Variants in MEF2C observed in about 807,000 individuals in gnomAD.
The protein encoded by MEF2C is myocyte enhancer factor 2C.
In MEF2C, 6 loss-of-function variants were observed where a neutral mutation model predicts 50.5. That is an observed-to-expected ratio of 0.12 (90% CI 0.07 to 0.23). MEF2C has a LOEUF of 0.23. Ranked by LOEUF, MEF2C falls within the 10% of genes least tolerant of loss-of-function variation. MEF2C has a pLI of 1.00. For synonymous variants in MEF2C, 183 were observed against 228.0 expected, an observed-to-expected ratio of 0.80 and a Z score of 1.78; for missense variants, 276 against 605.0, an observed-to-expected ratio of 0.46 and a Z score of 5.70.
chr5:88,827,022 A>G (rs767920688), intron 1 of MEF2C: 1 of 151,876 alleles, frequency 6.6e-6, no homozygotes, highest in Non-Finnish European at 1.5e-5. Context: ...GAAAACTAAA[A>G]TGAGGCTGCT....
At chr5:88,790,390 G>A (rs1294485139) in intron 3 of MEF2C, among the ~76,000 whole-genome samples, 1 of 152,134 alleles carries the variant, frequency 6.6e-6, no homozygotes. Flanking sequence ...GAAATAAAGG[G>A]ATCCTGGGCC....
intron 1 of MEF2C, among the ~76,000 whole-genome samples, chr5:88,827,509 G>A (rs974239591): frequency 6.6e-6 from 1 of 151,960 alleles, no homozygotes; most frequent in Non-Finnish European, 1.5e-5. Context: ...CACACACAGA[G>A]GCCTTGGAGA....
chr5:88,899,164 T>A lies in MEF2C; in HGVS notation c.-240+4752A>T, dbSNP rs1220777116. Among the ~76,000 whole-genome samples the A allele has an allele frequency of 2.6e-5, 4 of 152,294 alleles. No homozygotes were observed. The South Asian group carries it at 8.3e-4, about 32-fold the overall frequency. The stretch of plus-strand genomic sequence containing the variant: ...TTTGAGAATGAGACTTTTTGTATTA[T>A]GTTACTAGGGTCCCCAAGTGGAAAA... On this transcript the variant is annotated intron_variant, in intron 1 of 11. Coordinates refer to the MEF2C transcript ENST00000340208.
At chr5:88,762,639 A>G (rs1468620837) in intron 3 of MEF2C, among the ~76,000 whole-genome samples, 1 of 152,104 alleles carries the variant, frequency 6.6e-6, no homozygotes, top group Non-Finnish European at 1.5e-5. Context: ...TTACAGAGAT[A>G]ATGTTATGTT....
chr5:88,736,675 A>G (rs1428741357), intron 6 of MEF2C: 1 of 985,230 alleles, frequency 1.0e-6, no homozygotes, highest in Admixed American at 6.2e-5. Flanking sequence ...CAACCCACTC[A>G]AGGAAGTCTT....
intron 4 of MEF2C, chr5:88,752,809 T>G (rs1287033714): frequency 2.1e-6 from 2 of 969,804 alleles, no homozygotes; most frequent in Non-Finnish European, 2.5e-6. Context: ...AATTATTTTG[T>G]CAATTTAAGC....
At chr5:88,846,224 C>A (rs912928388) in intron 1 of MEF2C, among the ~76,000 whole-genome samples, 1 of 152,054 alleles carries the variant, frequency 6.6e-6, no homozygotes, top group Non-Finnish European at 1.5e-5. Flanking sequence ...CCCGCCACCA[C>A]GCCAGGCTAA....
At chr5:88,871,882 A>G (rs1361043012) in intron 1 of MEF2C, among the ~76,000 whole-genome samples, 5 of 152,092 alleles carry the variant, frequency 3.3e-5, no homozygotes, top group Non-Finnish European at 5.9e-5. Flanking sequence ...GTCATAATGA[A>G]TAAGCCCTCA....
chr5:88,793,356 G>A (rs1384161941), intron 3 of MEF2C, among the ~76,000 whole-genome samples: 1 of 152,080 alleles, frequency 6.6e-6, no homozygotes, highest in African/African-American at 2.4e-5. Context: ...TTAATGGCAG[G>A]GAAATTGCAA....
intron 1 of MEF2C, among the ~76,000 whole-genome samples, chr5:88,857,037 G>T (rs1161252505): frequency 6.6e-6 from 1 of 152,230 alleles, no homozygotes; most frequent in Non-Finnish European, 1.5e-5. Flanking sequence ...GCCAGCCTGA[G>T]AAAGCAGCCA....
intron 3 of MEF2C, among the ~76,000 whole-genome samples, chr5:88,793,723 C>A (rs1157947992): frequency 6.6e-6 from 1 of 152,092 alleles, no homozygotes; most frequent in Non-Finnish European, 1.5e-5. Context: ...TATACACGTG[C>A]CATGGTGGTT....
chr5:88,810,978 A>G (rs1162682439), intron 2 of MEF2C, among the ~76,000 whole-genome samples: 3 of 152,162 alleles, frequency 2.0e-5, no homozygotes, highest in African/African-American at 7.2e-5. Flanking sequence ...AACAATTACA[A>G]AAGTTCAGGT....
intron 6 of MEF2C, chr5:88,737,543 C>A: frequency 1.0e-6 from 1 of 985,354 alleles, no homozygotes; most frequent in Non-Finnish European, 1.2e-6. Flanking sequence ...AGGTAAATCT[C>A]AATACTAATT....
Position 88,728,584 on chromosome 5 carries a change from TA to T in MEF2C, c.1008del (p.Phe336LeufsTer12). On this transcript the variant is annotated frameshift_variant, in exon 10 of 11. Transcript: ENST00000504921. LOFTEE classifies it high-confidence loss of function. ...CCAAGGTGAAGAGCGCTGGCGGTGT[TA>T]AACCCAGACAGAGATGACAGGTCTG... ...SSADLSSLSG[F>X]NTASALHLGS... 6.5e-7 allele frequency: 1 copy of T among 1,531,032 alleles called. No homozygotes were observed. Among genetic ancestry groups the T allele is most frequent in the Non-Finnish European group, 8.8e-7 (1 of 1,135,354 alleles). The allele number at this position is 1,531,032 out of a possible 1,614,324, so 94.8% of individuals were successfully genotyped here. A position where few individuals can be genotyped will look rare whatever the true frequency, so the allele number is the denominator to read the frequency against.
At chr5:88,825,118 T>C (rs1810241703) in intron 1 of MEF2C, among the ~76,000 whole-genome samples, 1 of 151,938 alleles carries the variant, frequency 6.6e-6, no homozygotes, top group South Asian at 2.1e-4. Context: ...TATTATGTAA[T>C]GCTAAGCCAA....
At chr5:88,777,896 TTTC>T (rs1785623134) in intron 3 of MEF2C, among the ~76,000 whole-genome samples, 1 of 124,252 alleles carries the variant, frequency 8.0e-6, no homozygotes, top group African/African-American at 2.8e-5. Context: ...AAATTTTTCT[TTTC>T]TTTTTTTTTT....
In MEF2C at chr5:88,823,923, C is replaced by T. The variant is rs528860962; in HGVS notation, c.-135G>A. On this transcript the variant is annotated 5_prime_UTR_variant, in exon 2 of 11. Coordinates refer to ENST00000504921, the MANE Select transcript of MEF2C (RefSeq NM_002397.5). ...AGCTCAGTTCCCAAATTCCTGCATT[C>T]GTTCCTGCTGAACAAAAAAGAAAAA... is the stretch of plus-strand genomic sequence containing the variant. 8.2e-6 allele frequency: 12 copies of T among 1,455,736 alleles called. No homozygotes were observed. The highest frequency in any genetic ancestry group is 2.9e-5 in the African/African-American group (2 of 70,156). The allele number at this position is 1,455,736 out of a possible 1,614,324, so 90.2% of individuals were successfully genotyped here.
intron 1 of MEF2C, among the ~76,000 whole-genome samples, chr5:88,833,558 T>G (rs1023186209): frequency 6.6e-6 from 1 of 152,112 alleles, no homozygotes; most frequent in African/African-American, 2.4e-5. Flanking sequence ...GGGTGGAAAC[T>G]CTACGTACTC....
intron 1 of MEF2C, among the ~76,000 whole-genome samples, chr5:88,895,641 T>A (rs1040545743): frequency 6.6e-6 from 1 of 152,138 alleles, no homozygotes. Context: ...TTTACATCAC[T>A]CTCTTCCCTA....
Sources: allele counts gnomAD v4.1 joint callset (sites outside exome capture counted in the v4.1 genomes callset), GRCh38; gene constraint gnomAD v4.1.1; transcripts MANE v1.5; gene names NCBI Gene and HGNC (gene_info 2026-07-23, HGNC 2026-07-21).